DMTN: variants seen among roughly 807,000 people sequenced by gnomAD.
DMTN encodes the protein dematin.
A neutral mutation model predicts 59.4 loss-of-function variants in DMTN; 27 were observed. The observed-to-expected ratio is 0.45, with a 90% confidence interval of 0.33 to 0.63. The LOEUF (loss-of-function observed/expected upper bound fraction) is 0.63. Among genes scored for constraint, DMTN ranks in the 20% least tolerant of loss-of-function variants. The pLI, the probability that DMTN is intolerant of heterozygous loss-of-function variation, is 0.02. For synonymous variants in DMTN, 221 were observed against 203.7 expected, an observed-to-expected ratio of 1.08 and a Z score of -0.72; for missense variants, 451 against 528.9, an observed-to-expected ratio of 0.85 and a Z score of 1.45.
chr8:22,069,088 C>T (rs1813084846), intron 5 of DMTN, 28 bp downstream of exon 5: 1 of 1,605,474 alleles, frequency 6.2e-7, no homozygotes. Context: ...CTGCAACTTG[C>T]CCTGCCCTGC....
chr8:22,082,340 C>T lies in DMTN; in HGVS notation c.*877C>T, dbSNP rs935821608. ...CCCCAGCTGCTTTCCTCACCTGCCCCTGCCCTACCTTACACCCCCAGCTTG... is the reference window on the plus strand; with the variant it reads ...CCCCAGCTGCTTTCCTCACCTGCCCTTGCCCTACCTTACACCCCCAGCTTG... On this transcript the variant is annotated 3_prime_UTR_variant, in exon 16 of 16. Coordinates refer to ENST00000358242, the MANE Select transcript of DMTN (RefSeq NM_001387751.1). The T allele has an allele frequency of 1.9e-5, 8 of 418,320 alleles. No homozygotes were observed. The highest frequency in any genetic ancestry group is 3.9e-5 in the Non-Finnish European group (8 of 205,744). The allele number at this position is 418,320 out of a possible 1,614,324, so 25.9% of individuals were successfully genotyped here. A position where few individuals can be genotyped will look rare whatever the true frequency, so the allele number is the denominator to read the frequency against.
chr8:22,082,228 T>G lies in DMTN; in HGVS notation c.*765T>G. 1 of 456,960 alleles carries G rather than the reference T, an allele frequency of 2.2e-6. No homozygotes were observed. The highest frequency in any genetic ancestry group is 2.3e-5 in the Admixed American group (1 of 42,578). 28.3% of individuals were successfully genotyped at this position (456,960 alleles called of 1,614,324 possible). On this transcript the variant is annotated 3_prime_UTR_variant, in exon 16 of 16. Coordinates refer to ENST00000358242, the MANE Select transcript of DMTN (RefSeq NM_001387751.1). ...TCAAGAGGCCAGGCCTGGCACATTTTGGAGTGTCCTGGCTACCAGCTCTCA... is the reference window on the plus strand; with the variant it reads ...TCAAGAGGCCAGGCCTGGCACATTTGGGAGTGTCCTGGCTACCAGCTCTCA...
chr8:22,053,041 G>A (rs553804245), upstream of DMTN, among the ~76,000 whole-genome samples: 497 of 151,800 alleles, frequency 3.3e-3, 3 homozygotes, highest in Non-Finnish European at 4.8e-3. Context: ...GATTTCAGAT[G>A]ATTTCAGTGG....
Position 22,067,511 on chromosome 8 carries a change from G to T in DMTN, c.94-16G>T, listed in dbSNP as rs758762092. ...GGCTTTCGGCACAGCAGTTTCACGC[G>T]CACCTTTCCCTTCAGGCCAAGATGG... On this transcript the variant is annotated splice_polypyrimidine_tract_variant and intron_variant, in intron 3 of 15. Transcript: ENST00000358242. 6.2e-7 allele frequency: 1 copy of T among 1,613,856 alleles called. No homozygotes were observed. Among genetic ancestry groups the T allele is most frequent in the Non-Finnish European group, 8.5e-7 (1 of 1,179,856 alleles).
intron 1 of DMTN, among the ~76,000 whole-genome samples, chr8:22,057,712 G>A (rs550870044): frequency 7.2e-5 from 11 of 152,246 alleles, no homozygotes; most frequent in Admixed American, 7.2e-4. Flanking sequence ...CCCTGTGCCC[G>A]CCGCTGGGGT....
chr8:22,080,367 G>A, intron 11 of DMTN, 45 bp from the exon 12 acceptor site: 1 of 1,613,964 alleles, frequency 6.2e-7, no homozygotes, highest in Non-Finnish European at 8.5e-7. Context: ...GGGGACCAAA[G>A]GTGAATATCC....
At position 22,066,848 on chromosome 8, in the gene DMTN, G is replaced by C. The variant is rs1585864624; in HGVS notation, c.-28G>C. On this transcript the variant is annotated 5_prime_UTR_variant, in exon 2 of 16. Coordinates refer to ENST00000358242, the MANE Select transcript of DMTN (RefSeq NM_001387751.1). ...TCCCCTCGCGCACAGGGCTCTGCGA[G>C]TGACCCGGCGGGCGAGCTCCGTGCT... 2 of 1,415,826 alleles carry C rather than the reference G, an allele frequency of 1.4e-6. No individual in the cohort carries two copies. The highest frequency in any genetic ancestry group is 1.8e-6 in the Non-Finnish European group (2 of 1,082,112). 87.7% of individuals were successfully genotyped at this position (1,415,826 alleles called of 1,614,324 possible).
chr8:22,056,178 C>T (rs1185244551), upstream of DMTN, among the ~76,000 whole-genome samples: 1 of 152,134 alleles, frequency 6.6e-6, no homozygotes, highest in African/African-American at 2.4e-5. Context: ...CATGAAGCCA[C>T]CCTAGGGAGA....
chr8:22,075,015 C>T (rs1357061362), intron 10 of DMTN, among the ~76,000 whole-genome samples: 16 of 152,008 alleles, frequency 1.1e-4, no homozygotes, highest in Non-Finnish European at 1.8e-4. Context: ...GGTAAAACCC[C>T]GTCTCTCCTA....
Position 22,081,093 on chromosome 8 carries a change from GCCCCTCCCCC to G in DMTN, c.1024-18_1024-9del. On this transcript the variant is annotated splice_polypyrimidine_tract_variant and intron_variant, in intron 14 of 15. Transcript: ENST00000358242. Reference sequence around the variant, plus strand: ...CAGGATATTCTGTGAGCCTAAGATTGCCCCTCCCCCCACCCCCAGATCTATCCCTATGAAA... The same window carrying G: ...CAGGATATTCTGTGAGCCTAAGATTGCACCCCCAGATCTATCCCTATGAAA... The G allele has an allele frequency of 6.4e-7, 1 of 1,572,878 alleles. No homozygotes were observed. Among genetic ancestry groups the G allele is most frequent in the Non-Finnish European group, 8.7e-7 (1 of 1,144,782 alleles).
intron 1 of DMTN, among the ~76,000 whole-genome samples, chr8:22,063,727 C>T (rs1808319060): frequency 6.6e-6 from 1 of 152,194 alleles, no homozygotes; most frequent in Non-Finnish European, 1.5e-5. Context: ...CAAGGCCGAC[C>T]TCAGATACCT....
At chr8:22,061,972 A>G (rs1014670731) in intron 1 of DMTN, among the ~76,000 whole-genome samples, 1 of 151,674 alleles carries the variant, frequency 6.6e-6, no homozygotes. Flanking sequence ...TCCCAGGCAG[A>G]CCTCAAACTC....
rs1169516304 is a variant in DMTN at position 22,069,460 on chromosome 8, C to G, written c.336C>G (p.Ala112=). The change falls in exon 6 of 16, where the codon GCC becomes GCG. Residue 112 remains alanine (A), a synonymous_variant. Coordinates refer to ENST00000358242, the MANE Select transcript of DMTN (RefSeq NM_001387751.1). ...DSRSPGIISQ[A]SAPRTTGTPR... ...GGTCGCCTGGAATCATCTCTCAGGC[C>G]TCGGCCCCCAGAACCACTGGAACCC... 4 of 1,613,474 alleles carry G rather than the reference C, an allele frequency of 2.5e-6. No homozygotes were observed. In the East Asian group the frequency reaches 8.9e-5, roughly 36 times the overall value.
At chr8:22,075,102 G>C (rs1431788016) in intron 10 of DMTN, among the ~76,000 whole-genome samples, 1 of 150,308 alleles carries the variant, frequency 6.7e-6, no homozygotes, top group African/African-American at 2.4e-5. Context: ...CAGGAGAATT[G>C]CTTGAACCCA....
Position 22,060,626 on chromosome 8 carries a change from C to G in DMTN, c.-172+3490C>G, listed in dbSNP as rs1805674014. Among the ~76,000 whole-genome samples, 1 of 152,252 alleles carries G rather than the reference C, an allele frequency of 6.6e-6. No homozygotes were observed. Among genetic ancestry groups the G allele is most frequent in the South Asian group, 2.1e-4 (1 of 4,834 alleles). On this transcript the variant is annotated intron_variant, in intron 1 of 15. Transcript: ENST00000358242. This position sits in a 1 kb window ranked among gnomAD's most constrained non-coding sequence, Gnocchi z 5.0. ...GCCTCTGTGGAAATAATTTATCAAC[C>G]AACATGCTCTCTAACAAATGGCAGG...
chr8:22,049,783 CTTCT>C (rs1801157380), upstream of DMTN, among the ~76,000 whole-genome samples: 1 of 152,166 alleles, frequency 6.6e-6, no homozygotes, highest in African/African-American at 2.4e-5. Context: ...TCCTCTCCCT[CTTCT>C]TTCTGAGACT....
intron 10 of DMTN, among the ~76,000 whole-genome samples, chr8:22,078,112 C>A (rs1314827653): frequency 6.6e-6 from 1 of 152,068 alleles, no homozygotes; most frequent in East Asian, 1.9e-4. Context: ...CACCCGTAAT[C>A]CCAGCAATTT....
upstream of DMTN, among the ~76,000 whole-genome samples, chr8:22,056,227 G>T (rs530137542): frequency 6.6e-6 from 1 of 152,302 alleles, no homozygotes; most frequent in African/African-American, 2.4e-5. Context: ...TCCCATTGGA[G>T]TTCCCAGGGG....
intron 1 of DMTN, 149 bp from the exon 2 acceptor site, chr8:22,066,556 G>C: frequency 3.9e-6 from 1 of 257,770 alleles, no homozygotes; most frequent in Non-Finnish European, 7.3e-6. Context: ...CCGTCCTTCG[G>C]TCGCCTCCCG....
Sources: gnomAD v4.1 joint callset for allele counts (sites outside exome capture counted in the v4.1 genomes callset) on GRCh38, gnomAD v4.1.1 for gene constraint, Gnocchi (gnomAD v3.1) non-coding constraint, MANE v1.5 for transcripts, NCBI Gene and HGNC (gene_info 2026-07-23, HGNC 2026-07-21) for gene names.